The following IFRD1 variants were observed in gnomAD, a reference collection of about 807,000 sequenced individuals.
The protein encoded by IFRD1 is interferon-related developmental regulator 1.
In IFRD1, 35 loss-of-function variants were observed where a neutral mutation model predicts 52.9. That is an observed-to-expected ratio of 0.66 (90% CI 0.51 to 0.88). IFRD1 has a LOEUF of 0.88. Ranked by LOEUF, IFRD1 falls within the 40% of genes least tolerant of loss-of-function variation. IFRD1 has a pLI of 0.00. For missense variants in IFRD1, 517 were observed against 550.8 expected (o/e 0.94, Z 0.61); for synonymous variants, 184 against 188.4 (o/e 0.98, Z 0.19).
intron 1 of IFRD1, among the ~76,000 whole-genome samples, chr7:112,438,969 C>T (rs1038627548): frequency 6.6e-6 from 1 of 152,030 alleles, no homozygotes; most frequent in African/African-American, 2.4e-5. Context: ...AGTTCTGATG[C>T]CAATTAATAA....
chr7:112,442,492 G>A (rs1048603505), intron 1 of IFRD1, among the ~76,000 whole-genome samples: 3 of 152,224 alleles, frequency 2.0e-5, no homozygotes, highest in African/African-American at 7.2e-5. Context: ...AAGAAATGGA[G>A]GTTCACTGCT....
At chr7:112,452,909 CTG>C (rs1795200354) in intron 1 of IFRD1, among the ~76,000 whole-genome samples, 2 of 152,182 alleles carry the variant, frequency 1.3e-5, no homozygotes, top group South Asian at 4.1e-4. Flanking sequence ...AACTTGTTAA[CTG>C]TGGTTACCTC....
intron 5 of IFRD1, among the ~76,000 whole-genome samples, chr7:112,459,579 T>G (rs4386904): frequency 0.74 from 112,084 of 152,002 alleles, 41,554 homozygotes; most frequent in East Asian, 0.8. Flanking sequence ...TTTTAATATT[T>G]ATTATCCAAA....
At chr7:112,448,264 T>C (rs1413546646), upstream of IFRD1, among the ~76,000 whole-genome samples, 1 of 152,022 alleles carries the variant, frequency 6.6e-6, no homozygotes, top group African/African-American at 2.4e-5. Context: ...CAAGTACGTA[T>C]ATGATGTGGT....
intron 11 of IFRD1, 149 bp downstream of exon 11, chr7:112,473,010 G>A (rs1795793984): frequency 9.1e-6 from 6 of 662,566 alleles, no homozygotes; most frequent in East Asian, 2.9e-5. Flanking sequence ...GATACAGAAA[G>A]CATTTAGAGT....
chr7:112,431,215 C>CT (rs1166651966), intron 1 of IFRD1, among the ~76,000 whole-genome samples: 1 of 152,042 alleles, frequency 6.6e-6, no homozygotes, highest in Non-Finnish European at 1.5e-5. Context: ...GCTCTTTTGG[C>CT]TAGAAATTAT....
In IFRD1 at chr7:112,461,987, T is replaced by C; in HGVS notation, c.619-14T>C. 1 of 1,605,638 alleles carries C rather than the reference T, an allele frequency of 6.2e-7. No homozygotes were observed. The highest frequency in any genetic ancestry group is 8.5e-7 in the Non-Finnish European group (1 of 1,172,540). ...TTTAAGATGGTTATCTTACTTCATA[T>C]TCTTATGCATTAGGAACTATACTCA... is the stretch of plus-strand genomic sequence containing the variant. On this transcript the variant is annotated splice_polypyrimidine_tract_variant and intron_variant, in intron 6 of 11. Coordinates refer to ENST00000403825, the MANE Select transcript of IFRD1 (RefSeq NM_001550.4).
intron 1 of IFRD1, among the ~76,000 whole-genome samples, chr7:112,431,076 G>A (rs572563778): frequency 1.5e-4 from 23 of 152,058 alleles, no homozygotes; most frequent in African/African-American, 5.5e-4. Flanking sequence ...TATTTTTCGA[G>A]CGTATTGCTG....
intron 8 of IFRD1, among the ~76,000 whole-genome samples, chr7:112,464,019 C>G (rs190191122): frequency 6.7e-6 from 1 of 148,904 alleles, no homozygotes; most frequent in African/African-American, 2.5e-5. Flanking sequence ...CAAAACAGAA[C>G]CTAGTGTTTT....
At chr7:112,469,153 GA>G (rs1484752994) in intron 9 of IFRD1, among the ~76,000 whole-genome samples, 5 of 152,102 alleles carry the variant, frequency 3.3e-5, no homozygotes, top group African/African-American at 1.2e-4. Flanking sequence ...GTTATTTTAA[GA>G]ATATCATCAA....
chr7:112,462,262 T>A lies in IFRD1; in HGVS notation c.798-8T>A. ...GTATTCACATAGTAATGACTAACTA[T>A]TTTTTAGGCATTTCCATAAGCTTCC... On this transcript the variant is annotated splice_region_variant and splice_polypyrimidine_tract_variant and intron_variant, in intron 7 of 11. Transcript: ENST00000403825. 6.2e-7 allele frequency: 1 copy of A among 1,609,038 alleles called. No homozygotes were observed. Among genetic ancestry groups the A allele is most frequent in the East Asian group, 2.2e-5 (1 of 44,842 alleles).
intron 9 of IFRD1, among the ~76,000 whole-genome samples, chr7:112,471,534 G>C (rs1473750564): frequency 6.6e-6 from 1 of 151,954 alleles, no homozygotes; most frequent in Non-Finnish European, 1.5e-5. Context: ...AAAGAATTAA[G>C]TAGCCAGTTT....
rs754570815 is a variant in IFRD1, at chr7:112,458,954, C to G, written c.503C>G (p.Thr168Ser). The change falls in exon 5 of 12, where the codon ACT becomes AGT. Residue 168 changes from threonine to serine, a missense_variant. Transcript: ENST00000403825. ...ATTGAAAGTGAAGAGATTTTGAAAA[C>G]TCTTGGACCAATCCTAAAGAAAATC... is the stretch of plus-strand genomic sequence containing the variant. ...PGIESEEILK[T>S]LGPILKKIIC... The G allele has an allele frequency of 2.5e-6, 4 of 1,613,920 alleles. No homozygotes were observed. Among genetic ancestry groups the G allele is most frequent in the Non-Finnish European group, 3.4e-6 (4 of 1,179,838 alleles).
intron 8 of IFRD1, among the ~76,000 whole-genome samples, chr7:112,465,395 G>A (rs181184562): frequency 6.6e-6 from 1 of 152,060 alleles, no homozygotes; most frequent in East Asian, 1.9e-4. Context: ...ATTTTCTTTG[G>A]TTTCATTTCA....
chr7:112,449,680 T>C (rs146123158), upstream of IFRD1, among the ~76,000 whole-genome samples: 150 of 152,268 alleles, frequency 9.9e-4, 1 homozygote, highest in African/African-American at 3.5e-3. Flanking sequence ...TTACCAGCTG[T>C]GAAATTCTCA....
chr7:112,452,949 G>A (rs1218527209), intron 1 of IFRD1, among the ~76,000 whole-genome samples: 1 of 152,082 alleles, frequency 6.6e-6, no homozygotes, highest in Non-Finnish European at 1.5e-5. Context: ...AAGGTATGGG[G>A]GTGAGATTTA....
At position 112,476,779 on chromosome 7, in the gene IFRD1, T is replaced by TG. The variant is rs1373690525; in HGVS notation, c.*1261dup. 6.6e-6 allele frequency: 1 copy of TG among 152,220 alleles called. No individual in the cohort carries two copies. The highest frequency in any genetic ancestry group is 1.5e-5 in the Non-Finnish European group (1 of 68,036). 9.4% of individuals were successfully genotyped at this position (152,220 alleles called of 1,614,324 possible). On this transcript the variant is annotated 3_prime_UTR_variant, in exon 12 of 12. Coordinates refer to ENST00000403825, the MANE Select transcript of IFRD1 (RefSeq NM_001550.4). ...ATTAAAATATATAGTGCAAGCAACA[T>TG]GCCATTTCAAATCCGTAGACTTGTT... is the stretch of plus-strand genomic sequence containing the variant.
chr7:112,458,341 A>C (rs1563266916), intron 4 of IFRD1: 1 of 153,840 alleles, frequency 6.5e-6, no homozygotes, highest in East Asian at 1.9e-4. Context: ...AAATAAATAA[A>C]GTTAATAAAT....
intron 5 of IFRD1, among the ~76,000 whole-genome samples, chr7:112,460,419 T>A (rs1290925386): frequency 2.0e-5 from 3 of 151,830 alleles, no homozygotes; most frequent in Non-Finnish European, 4.4e-5. Context: ...TCGCTTTTAA[T>A]ATTTTGTAGA....
Sources: allele counts gnomAD v4.1 joint callset (sites outside exome capture counted in the v4.1 genomes callset), GRCh38; gene constraint gnomAD v4.1.1; transcripts MANE v1.5; gene names NCBI Gene and HGNC (gene_info 2026-07-23, HGNC 2026-07-21).